The following VPS13A variants were observed in gnomAD, a reference collection of about 807,000 sequenced individuals.
VPS13A encodes the protein vacuolar protein sorting 13 homolog A, also known as intermembrane lipid transfer protein VPS13A.
A neutral mutation model predicts 390.9 loss-of-function variants in VPS13A; 264 were observed. That is an observed-to-expected ratio of 0.68 (90% CI 0.61 to 0.75). VPS13A has a LOEUF of 0.75. VPS13A is among the 30% of genes least tolerant of loss of function. The pLI, the probability that VPS13A is intolerant of heterozygous loss-of-function variation, is 0.00. For synonymous variants in VPS13A, 1,231 were observed against 1,227.1 expected (o/e 1.00, Z -0.07); for missense variants, 3,409 against 3,733.9 (o/e 0.91, Z 2.27).
At chr9:77,328,890 A>G (rs537650493) in intron 45 of VPS13A, among the ~76,000 whole-genome samples, 1 of 152,332 alleles carries the variant, frequency 6.6e-6, no homozygotes, top group East Asian at 1.9e-4. Flanking sequence ...TAATTAACTC[A>G]TAGTGCAGCA....
chr9:77,219,462 A>T (rs1823058673), intron 10 of VPS13A, among the ~76,000 whole-genome samples: 1 of 152,186 alleles, frequency 6.6e-6, no homozygotes, highest in African/African-American at 2.4e-5. Flanking sequence ...GGTTCAGCCA[A>T]GCAGGTAATC....
intron 51 of VPS13A, among the ~76,000 whole-genome samples, chr9:77,344,573 C>T (rs543582988): frequency 9.9e-5 from 15 of 152,038 alleles, no homozygotes; most frequent in East Asian, 1.9e-4. Context: ...CTGGCTAACA[C>T]GGTGAAACCC....
At chr9:77,243,146 A>T (rs1824605278) in intron 19 of VPS13A, among the ~76,000 whole-genome samples, 1 of 151,966 alleles carries the variant, frequency 6.6e-6, no homozygotes. Flanking sequence ...TTATTTTGTT[A>T]CATTCTCCTC....
intron 62 of VPS13A, 89 bp from the exon 63 acceptor site, chr9:77,369,210 T>G: frequency 1.0e-6 from 1 of 973,776 alleles, no homozygotes; most frequent in Non-Finnish European, 1.6e-6. Flanking sequence ...GGTGTTGGCC[T>G]GAGAAAACTG....
intron 45 of VPS13A, among the ~76,000 whole-genome samples, chr9:77,325,819 T>C (rs1342740430): frequency 6.6e-6 from 1 of 152,224 alleles, no homozygotes; most frequent in Non-Finnish European, 1.5e-5. Context: ...CATACATTTT[T>C]GTGTCTATGT....
chr9:77,377,686 A>ACTTCTTCCTTT (rs372480772), intron 67 of VPS13A, among the ~76,000 whole-genome samples: 222 of 151,998 alleles, frequency 1.5e-3, no homozygotes, highest in African/African-American at 4.9e-3. Flanking sequence ...AGGTAACTTT[A>ACTTCTTCCTTT]CTTCTTCCTT....
At chr9:77,207,524 TATAA>T (rs1825753030) in intron 5 of VPS13A, among the ~76,000 whole-genome samples, 1 of 151,594 alleles carries the variant, frequency 6.6e-6, no homozygotes, top group Non-Finnish European at 1.5e-5. Context: ...CATGGCTATA[TATAA>T]ATGTTTTATT....
chr9:77,327,728 T>G (rs1830083070), intron 45 of VPS13A, among the ~76,000 whole-genome samples: 1 of 152,066 alleles, frequency 6.6e-6, no homozygotes, highest in Non-Finnish European at 1.5e-5. Flanking sequence ...TTCATACTTT[T>G]CTCTCTAAAG....
In VPS13A at chr9:77,207,248, TATATAA is replaced by T. The variant is rs1163333477; in HGVS notation, c.385+1171_385+1176del. On this transcript the variant is annotated intron_variant, in intron 5 of 71. Coordinates refer to ENST00000360280, the MANE Select transcript of VPS13A (RefSeq NM_033305.3). ...ATATATATATATATATATATATATA[TATATAA>T]AACGTGTTATATGTAACATAACATG... 1.1e-4 allele frequency among the ~76,000 whole-genome samples: 12 copies of T among 112,318 alleles called. No individual in the cohort carries two copies. The East Asian group carries it at 1.1e-3, about 11-fold the overall frequency. 73.7% of individuals were successfully genotyped at this position (112,318 alleles called of 152,430 possible).
At chr9:77,340,307 G>A (rs1450698783) in intron 49 of VPS13A, 25 bp downstream of exon 49, 1 of 1,607,672 alleles carries the variant, frequency 6.2e-7, no homozygotes, top group Non-Finnish European at 8.5e-7. Flanking sequence ...TGCTTATCAA[G>A]AAACTTTTAT....
intron 55 of VPS13A, 90 bp from the exon 56 acceptor site, chr9:77,357,602 T>G: frequency 1.5e-6 from 2 of 1,303,100 alleles, no homozygotes; most frequent in Non-Finnish European, 2.2e-6. Context: ...ATATGTAGCT[T>G]ACTGTTTTAA....
chr9:77,370,660 G>A (rs903031837), intron 65 of VPS13A, 82 bp downstream of exon 65: 15 of 1,574,276 alleles, frequency 9.5e-6, no homozygotes, highest in African/African-American at 1.4e-5. Context: ...AAATAGACAT[G>A]ATTCTCACTC....
chr9:77,370,638 T>G (rs1419674190), intron 65 of VPS13A, 60 bp downstream of exon 65: 2 of 1,606,090 alleles, frequency 1.2e-6, no homozygotes, highest in Non-Finnish European at 1.7e-6. Context: ...AAACCTACAT[T>G]TGCGAATAAG....
intron 17 of VPS13A, among the ~76,000 whole-genome samples, chr9:77,232,004 C>G (rs1823858834): frequency 6.6e-6 from 1 of 152,140 alleles, no homozygotes; most frequent in Non-Finnish European, 1.5e-5. Flanking sequence ...GTTGAAGACA[C>G]TATTCTTTCC....
intron 69 of VPS13A, 90 bp downstream of exon 69, chr9:77,403,411 CAT>C (rs1834471055): frequency 9.6e-7 from 1 of 1,040,294 alleles, no homozygotes; most frequent in Non-Finnish European, 1.5e-6. Flanking sequence ...CCTTTTGTTC[CAT>C]ATAGTCACAC....
intron 3 of VPS13A, among the ~76,000 whole-genome samples, chr9:77,203,066 G>A (rs1829963269): frequency 1.3e-5 from 2 of 152,108 alleles, no homozygotes; most frequent in African/African-American, 4.8e-5. Context: ...CAGTTTTATA[G>A]GAATGTATGT....
At chr9:77,329,151 G>A (rs993942744) in intron 45 of VPS13A, among the ~76,000 whole-genome samples, 1 of 152,200 alleles carries the variant, frequency 6.6e-6, no homozygotes, top group African/African-American at 2.4e-5. Flanking sequence ...TACAATTCAA[G>A]ATGAGATTTG....
chr9:77,214,460 CACTGTGCTAGTTCCTG>C, intron 10 of VPS13A, 74 bp downstream of exon 10: 1 of 1,224,484 alleles, frequency 8.2e-7, no homozygotes, highest in Non-Finnish European at 1.2e-6. Context: ...TTGTTGCTAT[CACTGTGCTAGTTCCTG>C]TTAAATTTCC....
intron 31 of VPS13A, among the ~76,000 whole-genome samples, chr9:77,291,343 C>A (rs939447921): frequency 6.6e-6 from 1 of 152,140 alleles, no homozygotes; most frequent in Non-Finnish European, 1.5e-5. Context: ...TTGTCTTCCA[C>A]AAAACAGCTC....
Sources: gnomAD v4.1 joint callset for allele counts (sites outside exome capture counted in the v4.1 genomes callset) on GRCh38, gnomAD v4.1.1 for gene constraint, MANE v1.5 for transcripts, NCBI Gene and HGNC (gene_info 2026-07-23, HGNC 2026-07-21) for gene names.